Variants in PARP12 observed in about 807,000 individuals in gnomAD.
PARP12 encodes the protein protein mono-ADP-ribosyltransferase PARP12.
Under a neutral mutation model 72.4 loss-of-function variants are expected in PARP12, and 59 were observed. The observed-to-expected ratio is 0.81, with a 90% CI of 0.66 to 1.01. The LOEUF (loss-of-function observed/expected upper bound fraction) is 1.01, where lower values mean the gene tolerates loss of function less well. Ranked by LOEUF, PARP12 falls within the 50% of genes least tolerant of loss-of-function variation. PARP12 has a pLI of 0.00. For synonymous variants in PARP12, 403 were observed against 371.4 expected (o/e 1.09, Z -0.98); for missense variants, 851 against 914.0 (o/e 0.93, Z 0.89).
In PARP12 at chr7:140,054,648, C is replaced by T. The variant is rs1554387215; in HGVS notation, c.862+14G>A. 3.2e-6 allele frequency: 5 copies of T among 1,587,002 alleles called. No individual in the cohort carries two copies. Among genetic ancestry groups the T allele is most frequent in the African/African-American group, 1.3e-5 (1 of 74,432 alleles). ...CCTCCCACAAGTGGAATGAAGGAGC[C>T]TCTTCCAACTTACCTTGAAAGCTAC... On this transcript the variant is annotated intron_variant, in intron 4 of 11. Coordinates refer to ENST00000263549, the MANE Select transcript of PARP12 (RefSeq NM_022750.4).
At chr7:140,055,115 G>A (rs1585113346) in intron 3 of PARP12, among the ~76,000 whole-genome samples, 1 of 152,176 alleles carries the variant, frequency 6.6e-6, no homozygotes, top group Admixed American at 6.5e-5. Context: ...CTCCAGGGGT[G>A]GGACTTGGGA....
intron 7 of PARP12, among the ~76,000 whole-genome samples, chr7:140,036,128 A>C (rs574027654): frequency 6.6e-6 from 1 of 152,324 alleles, no homozygotes; most frequent in East Asian, 1.9e-4. Context: ...GTCAGTCTGC[A>C]GGAATCATAA....
At chr7:140,060,681 C>T (rs1275865943) in intron 1 of PARP12, among the ~76,000 whole-genome samples, 4 of 152,182 alleles carry the variant, frequency 2.6e-5, no homozygotes, top group Non-Finnish European at 4.4e-5. Context: ...CAGTTACCCC[C>T]ATGAGTGGCT....
chr7:140,058,315 T>A (rs995022870), intron 1 of PARP12, among the ~76,000 whole-genome samples: 6 of 151,934 alleles, frequency 3.9e-5, no homozygotes, highest in Non-Finnish European at 8.8e-5. Flanking sequence ...ATTGAGACCA[T>A]CCTGGCTAAC....
chr7:140,054,647 C>G lies in PARP12; in HGVS notation c.862+15G>C. 3 of 1,581,472 alleles carry G rather than the reference C, an allele frequency of 1.9e-6. No homozygotes were observed. The highest frequency in any genetic ancestry group is 2.6e-6 in the Non-Finnish European group (3 of 1,150,348). On this transcript the variant is annotated intron_variant, in intron 4 of 11. Coordinates refer to ENST00000263549, the MANE Select transcript of PARP12 (RefSeq NM_022750.4). ...CCCTCCCACAAGTGGAATGAAGGAGCCTCTTCCAACTTACCTTGAAAGCTA... is the reference window on the plus strand; with the variant it reads ...CCCTCCCACAAGTGGAATGAAGGAGGCTCTTCCAACTTACCTTGAAAGCTA...
Position 140,030,862 on chromosome 7 carries a change from T to C in PARP12, c.1422-2174A>G, listed in dbSNP as rs1815916277. ...ATTTTATGTGTGGACCAATTCTTTTTCCTCTAATGTGGCCTGGGAAAGCCA... is the reference window on the plus strand; with the variant it reads ...ATTTTATGTGTGGACCAATTCTTTTCCCTCTAATGTGGCCTGGGAAAGCCA... On this transcript the variant is annotated intron_variant, in intron 8 of 11. Coordinates refer to ENST00000263549, the MANE Select transcript of PARP12 (RefSeq NM_022750.4). 2.0e-5 allele frequency among the ~76,000 whole-genome samples: 3 copies of C among 152,190 alleles called. No homozygotes were observed. The South Asian group carries it at 6.2e-4, about 31-fold the overall frequency.
intron 8 of PARP12, chr7:140,033,170 G>C: frequency 2.0e-6 from 2 of 984,226 alleles, no homozygotes; most frequent in Non-Finnish European, 2.4e-6. Flanking sequence ...TGGGATTACA[G>C]GTGTGAGTCA....
At position 140,027,368 on chromosome 7, in the gene PARP12, C is replaced by T. The variant is rs769532267; in HGVS notation, c.1536G>A (p.Lys512=). 14 of 1,613,982 alleles carry T rather than the reference C, an allele frequency of 8.7e-6. No homozygotes were observed. The highest frequency in any genetic ancestry group is 1.0e-5 in the Non-Finnish European group (12 of 1,179,986). The change falls in exon 10 of 12, where the codon AAG becomes AAA. Residue 512 remains lysine (K), a synonymous_variant. Transcript: ENST00000263549. The stretch of plus-strand genomic sequence containing the variant: ...GCGTGCGGTTAAAGAGGTTCCAGAC[C>T]TTCTGATACTCTTCCGAGGAAGAAC... The part of the protein sequence containing the change: ...TLSSSSEEYQ[K]VWNLFNRTLP...
chr7:140,034,177 T>G, intron 8 of PARP12, 58 bp downstream of exon 8: 1 of 1,583,090 alleles, frequency 6.3e-7, no homozygotes, highest in Non-Finnish European at 8.6e-7. Context: ...CTGTCACCAC[T>G]GCAGAGCACA....
chr7:140,027,273 C>A lies in PARP12; in HGVS notation c.1628+3G>T. 1.9e-6 allele frequency: 3 copies of A among 1,613,148 alleles called. No individual in the cohort carries two copies. Among genetic ancestry groups the A allele is most frequent in the Non-Finnish European group, 2.5e-6 (3 of 1,179,384 alleles). The stretch of plus-strand genomic sequence containing the variant: ...AGCCCACCAAGAGCGAGCCCCAACG[C>A]ACCACTGGTAGACTTCCCAGAGGGC... On this transcript the variant is annotated splice_donor_region_variant and intron_variant, in intron 10 of 11. Transcript: ENST00000263549.
intron 6 of PARP12, among the ~76,000 whole-genome samples, chr7:140,040,570 C>T (rs1442521357): frequency 1.3e-5 from 2 of 152,296 alleles, no homozygotes; most frequent in South Asian, 4.1e-4. Flanking sequence ...ACACGGGATA[C>T]GATGGGGCAA....
At position 140,027,355 on chromosome 7, in the gene PARP12, A is replaced by G. The variant is rs1306116329; in HGVS notation, c.1549T>C (p.Phe517Leu). Residue 517 changes from phenylalanine (F) to leucine (L), a missense_variant, in exon 10 of 12, where the codon TTT becomes CTT. By Grantham distance (22) the Phe-to-Leu change is conservative. This residue lies in a region of PARP12 where 347 missense variants were observed against 396.1 expected (regional missense o/e 0.88). Coordinates refer to ENST00000263549, the MANE Select transcript of PARP12 (RefSeq NM_022750.4). The part of the protein sequence containing the change: ...SEEYQKVWNL[F>L]NRTLPFYFVQ... ...AAGTAGAAAGGCAGCGTGCGGTTAAAGAGGTTCCAGACCTTCTGATACTCT... is the reference window on the plus strand; with the variant it reads ...AAGTAGAAAGGCAGCGTGCGGTTAAGGAGGTTCCAGACCTTCTGATACTCT... The G allele has an allele frequency of 1.9e-6, 3 of 1,614,024 alleles. No homozygotes were observed. Among genetic ancestry groups the G allele is most frequent in the South Asian group, 2.2e-5 (2 of 91,086 alleles).
intron 6 of PARP12, among the ~76,000 whole-genome samples, chr7:140,040,139 G>C (rs1381509193): frequency 6.6e-6 from 1 of 152,168 alleles, no homozygotes; most frequent in Admixed American, 6.5e-5. Flanking sequence ...CATCTGCTAA[G>C]TGTGTTGCGC....
chr7:140,062,325 G>A (rs942853918), intron 1 of PARP12, among the ~76,000 whole-genome samples, 197 bp downstream of exon 1: 1 of 151,298 alleles, frequency 6.6e-6, no homozygotes, highest in Non-Finnish European at 1.5e-5. Flanking sequence ...GACCCCACTC[G>A]ACCCTGAGTC....
intron 6 of PARP12, 112 bp downstream of exon 6, chr7:140,041,532 G>T (rs1313812234): frequency 8.3e-6 from 9 of 1,081,862 alleles, no homozygotes; most frequent in Non-Finnish European, 1.1e-5. Context: ...TGGCACCTGG[G>T]GATCCTCAGC....
intron 1 of PARP12, 112 bp downstream of exon 1, chr7:140,062,410 C>G (rs1440780692): frequency 4.6e-5 from 52 of 1,122,276 alleles, no homozygotes; most frequent in Non-Finnish European, 2.8e-5. Context: ...GAGGTCAGGG[C>G]AGAGCCACCG....
At chr7:140,041,552 G>A in intron 6 of PARP12, 92 bp downstream of exon 6, 1 of 1,312,892 alleles carries the variant, frequency 7.6e-7, no homozygotes, top group Admixed American at 2.3e-5. Context: ...CTCTCTCAAG[G>A]ATGCCCCTGG....
chr7:140,035,941 G>T (rs879802126), intron 7 of PARP12, among the ~76,000 whole-genome samples: 2 of 107,246 alleles, frequency 1.9e-5, no homozygotes, highest in Non-Finnish European at 3.6e-5. Context: ...AGGAGGAGGA[G>T]GAGGAGGAGG....
At chr7:140,034,083 T>C (rs1460511320) in intron 8 of PARP12, 152 bp downstream of exon 8, 19 of 1,338,080 alleles carry the variant, frequency 1.4e-5, no homozygotes, top group Middle Eastern at 2.9e-4. Flanking sequence ...CTGGTCCAAC[T>C]AGTAGAAGAC....
Sources: allele counts gnomAD v4.1 joint callset (sites outside exome capture counted in the v4.1 genomes callset), GRCh38; gene constraint gnomAD v4.1.1; regional missense constraint gnomAD v4.1.1; transcripts MANE v1.5; gene names NCBI Gene and HGNC (gene_info 2026-07-23, HGNC 2026-07-21).